The following MYSM1 variants were observed in gnomAD, a reference collection of about 807,000 sequenced individuals.
The protein encoded by MYSM1 is Myb like, SWIRM and MPN domains 1.
MYSM1 carries 51 observed loss-of-function variants against 116.0 expected under a neutral mutation model. That is an observed-to-expected ratio of 0.44 (90% confidence interval 0.35 to 0.56). The LOEUF is 0.56. Among genes scored for constraint, MYSM1 ranks in the 20% least tolerant of loss-of-function variants. MYSM1 has a pLI of 0.00. For missense variants in MYSM1, 900 were observed against 974.9 expected, an observed-to-expected ratio of 0.92 and a Z score of 1.02; for synonymous variants, 313 against 315.2, an observed-to-expected ratio of 0.99 and a Z score of 0.07.
chr1:58,698,104 T>TATATATATATATATATATATA (rs1557530217), intron 1 of MYSM1, among the ~76,000 whole-genome samples: 17 of 11,336 alleles, frequency 1.5e-3, no homozygotes, highest in African/African-American at 4.7e-3. Flanking sequence ...ATATATATAT[T>TATATATATATATATATATATA]TTTTTTTTTT....
chr1:58,699,259 C>T (rs1358094957), intron 1 of MYSM1, among the ~76,000 whole-genome samples: 2 of 152,228 alleles, frequency 1.3e-5, no homozygotes, highest in African/African-American at 2.4e-5. Context: ...TGGATTCTCA[C>T]AGTACTGTCC....
intron 14 of MYSM1, 107 bp from the exon 15 acceptor site, chr1:58,668,028 T>G: frequency 2.5e-6 from 2 of 812,018 alleles, no homozygotes; most frequent in South Asian, 2.9e-5. Context: ...GCCATCATGC[T>G]TTTATAAAAT....
intron 16 of MYSM1, among the ~76,000 whole-genome samples, chr1:58,666,569 T>C (rs1360356627): frequency 3.5e-5 from 2 of 57,190 alleles, no homozygotes; most frequent in Middle Eastern, 6.9e-3. Context: ...GTATATGTAT[T>C]TTTTTTCTTT....
At position 58,668,412 on chromosome 1, in the gene MYSM1, C is replaced by A. The variant is rs549907698; in HGVS notation, c.1767+220G>T. The A allele has an allele frequency of 3.1e-6, 4 of 1,292,572 alleles. No homozygotes were observed. The South Asian group carries it at 9.0e-5, about 29-fold the overall frequency. 80.1% of individuals were successfully genotyped at this position (1,292,572 alleles called of 1,614,324 possible). A position where few individuals can be genotyped will look rare whatever the true frequency, so the allele number is the denominator to read the frequency against. On this transcript the variant is annotated intron_variant, in intron 14 of 19. Coordinates refer to ENST00000472487, the MANE Select transcript of MYSM1 (RefSeq NM_001085487.3). ...TTAAAATAGGGTTAATGATGGTAAA[C>A]AGTCTGCAAAAACTCACATTAATTT...
In MYSM1 at chr1:58,668,408, T is replaced by C. The variant is rs7540308; in HGVS notation, c.1767+224A>G. The stretch of plus-strand genomic sequence containing the variant: ...AAACTTAAAATAGGGTTAATGATGG[T>C]AAACAGTCTGCAAAAACTCACATTA... On this transcript the variant is annotated intron_variant, in intron 14 of 19. Transcript: ENST00000472487. The C allele has an allele frequency of 1.9e-3, 2,416 of 1,289,920 alleles. 32 individuals are homozygous for C. The African/African-American group carries it at 0.033, about 17-fold the overall frequency. 79.9% of individuals were successfully genotyped at this position (1,289,920 alleles called of 1,614,324 possible).
At chr1:58,660,889 T>C (rs1033330374) in intron 19 of MYSM1, among the ~76,000 whole-genome samples, 7 of 152,082 alleles carry the variant, frequency 4.6e-5, no homozygotes, top group African/African-American at 7.2e-5. Context: ...TCAAATTTAA[T>C]AAAATAAGAA....
At chr1:58,691,075 C>G (rs925036086) in intron 3 of MYSM1, among the ~76,000 whole-genome samples, 1 of 151,902 alleles carries the variant, frequency 6.6e-6, no homozygotes, top group Non-Finnish European at 1.5e-5. Context: ...GTTAGGAGAT[C>G]GAGACCATCC....
chr1:58,689,332 A>G, intron 5 of MYSM1: 1 of 462,140 alleles, frequency 2.2e-6, no homozygotes, highest in Non-Finnish European at 3.8e-6. Context: ...TGGGAGCCCC[A>G]AAAGACATAA....
At chr1:58,692,772 C>T (rs1163719955) in intron 3 of MYSM1, 89 bp downstream of exon 3, 1 of 863,906 alleles carries the variant, frequency 1.2e-6, no homozygotes, top group Non-Finnish European at 1.8e-6. Flanking sequence ...TAAAATCCAT[C>T]TAGTAAACAG....
intron 6 of MYSM1, among the ~76,000 whole-genome samples, chr1:58,685,602 G>A (rs1007515690): frequency 1.3e-5 from 2 of 151,980 alleles, no homozygotes; most frequent in Admixed American, 1.3e-4. Flanking sequence ...AGGGGTACAG[G>A]TTACATTTTC....
chr1:58,681,829 T>C lies in MYSM1; in HGVS notation c.1215A>G (p.Thr405=), dbSNP rs1396375673. ...PEFFEGRQAK[T]PERYLKIRNY... is the part of the protein sequence containing the mutation. ...TTCTAATTTTCAAATAGCGTTCTGG[T>C]GTTTTAGCTTGGCGCCCCTCAAAAA... Residue 405 remains threonine (T), a synonymous_variant, in exon 8 of 20, where the codon ACA becomes ACG. Coordinates refer to ENST00000472487, the MANE Select transcript of MYSM1 (RefSeq NM_001085487.3). 1 of 1,603,864 alleles carries C rather than the reference T, an allele frequency of 6.2e-7. No homozygotes were observed. The highest frequency in any genetic ancestry group is 1.4e-5 in the African/African-American group (1 of 73,974).
Position 58,681,766 on chromosome 1 carries a change from T to C in MYSM1, c.1259+19A>G. 4 of 1,553,896 alleles carry C rather than the reference T, an allele frequency of 2.6e-6. No homozygotes were observed. The highest frequency in any genetic ancestry group is 1.3e-5 in the South Asian group (1 of 79,648). ...ATATCACGTTTTAAAACAACATCTA[T>C]AATGTAATTCTTTCTTACCATTGAT... On this transcript the variant is annotated intron_variant, in intron 8 of 19. Coordinates refer to ENST00000472487, the MANE Select transcript of MYSM1 (RefSeq NM_001085487.3).
chr1:58,663,546 G>C (rs1644425199), intron 17 of MYSM1, among the ~76,000 whole-genome samples: 1 of 152,208 alleles, frequency 6.6e-6, no homozygotes, highest in African/African-American at 2.4e-5. Flanking sequence ...AAAAGACCTA[G>C]GATTAAGATC....
rs970936065 is a variant in MYSM1, at chr1:58,657,021, T to C, written c.*2976A>G. On this transcript the variant is annotated 3_prime_UTR_variant, in exon 20 of 20. Transcript: ENST00000472487. Reference sequence around the variant, plus strand: ...TCATAATGCAGCTCTGAATACAGGGTCAAACAAACTGTAACTGAAGCAATG... The same window carrying C: ...TCATAATGCAGCTCTGAATACAGGGCCAAACAAACTGTAACTGAAGCAATG... The C allele has an allele frequency of 4.6e-5, 7 of 151,972 alleles. No individual in the cohort carries two copies. The highest frequency in any genetic ancestry group is 8.8e-5 in the Non-Finnish European group (6 of 68,008). The allele number at this position is 151,972 out of a possible 1,614,324, so 9.4% of individuals were successfully genotyped here.
At position 58,671,931 on chromosome 1, in the gene MYSM1, T is replaced by C; in HGVS notation, c.1600A>G (p.Arg534Gly). Residue 534 changes from arginine (R) to glycine (G), a missense_variant, in exon 12 of 20, where the codon AGA (arginine) becomes GGA (glycine). Arg to Gly is a moderately radical substitution (Grantham distance 125, BLOSUM62 -2). Coordinates refer to ENST00000472487, the MANE Select transcript of MYSM1 (RefSeq NM_001085487.3). ...GGTCTGCCTTTTTCCTCTTCTCTTC[T>C]TTTTGCCAACTCCTCAGCAGAGAGA... is the stretch of plus-strand genomic sequence containing the variant. ...EHLSAEELAK[R>G]REEEKGRPVK... The C allele has an allele frequency of 6.2e-7, 1 of 1,613,428 alleles. No individual in the cohort carries two copies. The highest frequency in any genetic ancestry group is 1.1e-5 in the South Asian group (1 of 91,040).
rs1644368060 is a variant in MYSM1, at chr1:58,660,012, C to T, written c.2472G>A (p.Lys824=). ...TTTAAAATAATCACATTAACAATTC[C>T]TTTGTACAGTTCTCTTCGGTTACTC... ...ENGVTEENCT[K]ELLM The change falls in exon 20 of 20, where the codon AAG becomes AAA. Residue 824 remains lysine, a synonymous_variant. Transcript: ENST00000472487. 1 of 1,584,758 alleles carries T rather than the reference C, an allele frequency of 6.3e-7. No homozygotes were observed. Among genetic ancestry groups the T allele is most frequent in the African/African-American group, 1.4e-5 (1 of 72,936 alleles).
intron 10 of MYSM1, among the ~76,000 whole-genome samples, chr1:58,674,720 T>C (rs1250842969): frequency 6.6e-6 from 1 of 151,926 alleles, no homozygotes; most frequent in Non-Finnish European, 1.5e-5. Flanking sequence ...GGTCAGGAGA[T>C]CGAGACCATC....
chr1:58,673,803 TATTA>T (rs1268294667), intron 10 of MYSM1, among the ~76,000 whole-genome samples, 153 bp from the exon 11 acceptor site: 1 of 152,216 alleles, frequency 6.6e-6, no homozygotes, highest in Non-Finnish European at 1.5e-5. Flanking sequence ...GACTAAACTT[TATTA>T]ATTTATGTTC....
intron 6 of MYSM1, 141 bp from the exon 7 acceptor site, chr1:58,685,392 T>A (rs1233109114): frequency 4.0e-6 from 2 of 503,170 alleles, no homozygotes; most frequent in African/African-American, 3.9e-5. Context: ...GTCTTCTATA[T>A]AGACTATGCT....
Sources: allele counts gnomAD v4.1 joint callset (sites outside exome capture counted in the v4.1 genomes callset), GRCh38; gene constraint gnomAD v4.1.1; transcripts MANE v1.5; gene names NCBI Gene and HGNC (gene_info 2026-07-23, HGNC 2026-07-21).